Variants in ARHGAP24 observed in about 807,000 individuals in gnomAD.
The protein encoded by ARHGAP24 is Rho GTPase activating protein 24, also known as rho GTPase-activating protein 24.
Under a neutral mutation model 76.4 loss-of-function variants are expected in ARHGAP24, and 50 were observed. That is an observed-to-expected ratio of 0.65 (90% CI 0.52 to 0.83). The LOEUF (loss-of-function observed/expected upper bound fraction) is 0.83. ARHGAP24 is among the 40% of genes least tolerant of loss of function. The pLI is 0.00. For missense variants in ARHGAP24, 930 were observed against 914.2 expected, an observed-to-expected ratio of 1.02 and a Z score of -0.22; for synonymous variants, 345 against 323.3, an observed-to-expected ratio of 1.07 and a Z score of -0.72.
intron 9 of ARHGAP24, among the ~76,000 whole-genome samples, chr4:85,997,467 C>T (rs1357805171): frequency 6.6e-6 from 1 of 151,804 alleles, no homozygotes; most frequent in Non-Finnish European, 1.5e-5. Flanking sequence ...TCATTTATAA[C>T]TTTACCCCAC....
At chr4:85,710,798 C>T (rs996793582) in intron 2 of ARHGAP24, among the ~76,000 whole-genome samples, 2 of 151,788 alleles carry the variant, frequency 1.3e-5, no homozygotes, top group African/African-American at 2.4e-5. Flanking sequence ...GTTATTAAAA[C>T]GTCAAAAAAT....
At position 85,570,591 on chromosome 4, in the gene ARHGAP24, G is replaced by A. The variant is rs555486295; in HGVS notation, c.50G>A (p.Arg17Gln). ...STENPQQGQG[R>Q]QNAIKCGWLR... ...GAGAACCCCCAACAAGGCCAAGGGC[G>A]GCAGAATGCCATCAAGTGTGGGTGG... Residue 17 changes from arginine to glutamine, a missense_variant, in exon 2 of 10, where the codon CGG becomes CAG. By Grantham distance (43) the Arg-to-Gln change is conservative. Coordinates refer to ENST00000395184, the MANE Select transcript of ARHGAP24 (RefSeq NM_001025616.3). 44 of 1,613,986 alleles carry A rather than the reference G, an allele frequency of 2.7e-5. No individual in the cohort carries two copies. Among genetic ancestry groups the A allele is most frequent in the African/African-American group, 1.9e-4 (14 of 74,986 alleles).
In ARHGAP24 at chr4:85,643,548, G is replaced by A. The variant is rs1172489009; in HGVS notation, c.180+72827G>A. 7.7e-5 allele frequency among the ~76,000 whole-genome samples: 6 copies of A among 77,660 alleles called. 1 individual carries two copies. Among genetic ancestry groups the A allele is most frequent in the Admixed American group, 1.9e-4 (1 of 5,286 alleles). The allele number at this position is 77,660 out of a possible 152,430, so 50.9% of individuals were successfully genotyped here. ...GCTGGGATTACAGGCGTGAGCCACC[G>A]CGCCCGGCCTTTTTTTGTGTTTTGT... is the stretch of plus-strand genomic sequence containing the variant. On this transcript the variant is annotated intron_variant, in intron 2 of 9. Transcript: ENST00000395184.
intron 2 of ARHGAP24, among the ~76,000 whole-genome samples, chr4:85,580,582 T>G (rs1727567607): frequency 6.6e-6 from 1 of 152,090 alleles, no homozygotes; most frequent in Non-Finnish European, 1.5e-5. Flanking sequence ...GGCCCCAAAA[T>G]TTTCTTTGCT....
At chr4:85,655,892 T>C (rs1039248648) in intron 2 of ARHGAP24, among the ~76,000 whole-genome samples, 1 of 149,536 alleles carries the variant, frequency 6.7e-6, no homozygotes, top group Admixed American at 6.7e-5. Context: ...GTAAGTATAC[T>C]GTACACGTGA....
intron 2 of ARHGAP24, among the ~76,000 whole-genome samples, chr4:85,605,513 G>T (rs1560549583): frequency 6.6e-6 from 1 of 152,056 alleles, no homozygotes; most frequent in African/African-American, 2.4e-5. Flanking sequence ...TTCATATATG[G>T]GAATGATTAA....
At chr4:85,982,819 A>G (rs1316817659) in intron 8 of ARHGAP24, among the ~76,000 whole-genome samples, 2 of 152,224 alleles carry the variant, frequency 1.3e-5, no homozygotes, top group Non-Finnish European at 2.9e-5. Flanking sequence ...CAGGTTTGTT[A>G]CATAGGTAAA....
Position 85,589,760 on chromosome 4 carries a change from T to C in ARHGAP24, c.180+19039T>C, listed in dbSNP as rs1728008990. 2.0e-5 allele frequency among the ~76,000 whole-genome samples: 3 copies of C among 152,202 alleles called. 1 individual carries two copies. In the South Asian group the frequency reaches 6.2e-4, roughly 31 times the overall value. ...GCATCTGCCATTAGGTCAAAATACTTTAATAAATATGTGCAGTACATACTA... is the reference window on the plus strand; with the variant it reads ...GCATCTGCCATTAGGTCAAAATACTCTAATAAATATGTGCAGTACATACTA... On this transcript the variant is annotated intron_variant, in intron 2 of 9. Transcript: ENST00000395184.
intron 3 of ARHGAP24, among the ~76,000 whole-genome samples, chr4:85,736,607 A>C (rs868304914): frequency 1.3e-5 from 2 of 152,226 alleles, no homozygotes; most frequent in East Asian, 3.8e-4. Context: ...TCCAATAAAC[A>C]TCAAGTAGAG....
chr4:85,901,897 T>C (rs1734514527), intron 3 of ARHGAP24, among the ~76,000 whole-genome samples: 1 of 152,134 alleles, frequency 6.6e-6, no homozygotes, highest in Non-Finnish European at 1.5e-5. Context: ...CATGGTGGTT[T>C]GCTGCACCTA....
rs1210109366 is a variant in ARHGAP24 at position 85,733,060 on chromosome 4, C to CTTTTTTTTTTTTTTTTTTTTTTT, written c.268+11109_268+11110insTTTTTTTTTTTTTTTTTTTTTTT. Among the ~76,000 whole-genome samples, 197 of 55,210 alleles carry CTTTTTTTTTTTTTTTTTTTTTTT rather than the reference C, an allele frequency of 3.6e-3. 77 individuals are homozygous for CTTTTTTTTTTTTTTTTTTTTTTT. The highest frequency in any genetic ancestry group is 0.016 in the East Asian group (27 of 1,734). 36.2% of individuals were successfully genotyped at this position (55,210 alleles called of 152,430 possible). On this transcript the variant is annotated intron_variant, in intron 3 of 9. Transcript: ENST00000395184. ...CTATAGATCTTATAGGCCTCACCAACTTTTTTTTTTTTTTTTTTTTTGAGA... is the reference window on the plus strand; with the variant it reads ...CTATAGATCTTATAGGCCTCACCAACTTTTTTTTTTTTTTTTTTTTTTTTTTTTTTTTTTTTTTTTTTTTGAGA...
At position 85,914,498 on chromosome 4, in the gene ARHGAP24, A is replaced by G. The variant is rs139801993; in HGVS notation, c.269-9150A>G. On this transcript the variant is annotated intron_variant, in intron 3 of 9. Coordinates refer to ENST00000395184, the MANE Select transcript of ARHGAP24 (RefSeq NM_001025616.3). Reference sequence around the variant, plus strand: ...CTGTCATCTTAGACGTATACACTGAAGTTTTCATCACATTTTAAGTAACCC... The same window carrying G: ...CTGTCATCTTAGACGTATACACTGAGGTTTTCATCACATTTTAAGTAACCC... Among the ~76,000 whole-genome samples, 1,304 of 152,278 alleles carry G rather than the reference A, an allele frequency of 8.6e-3. 16 individuals are homozygous for G. Among genetic ancestry groups the G allele is most frequent in the African/African-American group, 0.029 (1,221 of 41,538 alleles).
At chr4:85,870,469 A>T (rs1004648632) in intron 3 of ARHGAP24, among the ~76,000 whole-genome samples, 8 of 152,224 alleles carry the variant, frequency 5.3e-5, no homozygotes, top group African/African-American at 1.4e-4. Context: ...TTATCTGCAA[A>T]AGCTCTGATT....
chr4:85,883,558 G>A (rs1165811458), intron 3 of ARHGAP24, among the ~76,000 whole-genome samples: 2 of 152,098 alleles, frequency 1.3e-5, no homozygotes, highest in African/African-American at 4.8e-5. Flanking sequence ...TACATGTGCT[G>A]GGAGGTTACA....
intron 3 of ARHGAP24, among the ~76,000 whole-genome samples, chr4:85,772,170 G>T (rs1727156197): frequency 6.6e-6 from 1 of 152,142 alleles, no homozygotes; most frequent in East Asian, 1.9e-4. Flanking sequence ...TAAAGCCCGT[G>T]ACCTCGTTCT....
intron 1 of ARHGAP24, among the ~76,000 whole-genome samples, chr4:85,487,197 A>T (rs918448333): frequency 1.2e-4 from 16 of 136,324 alleles, no homozygotes; most frequent in Non-Finnish European, 2.3e-4. Context: ...ATAAAAATAT[A>T]TATTTATTTT....
intron 3 of ARHGAP24, among the ~76,000 whole-genome samples, chr4:85,896,027 C>A (rs1054660429): frequency 1.2e-4 from 18 of 152,214 alleles, no homozygotes; most frequent in African/African-American, 4.3e-4. Context: ...TGACTAAATG[C>A]AGAAGAATAA....
At chr4:85,850,534 T>C (rs957373835) in intron 3 of ARHGAP24, among the ~76,000 whole-genome samples, 1 of 152,228 alleles carries the variant, frequency 6.6e-6, no homozygotes, top group African/African-American at 2.4e-5. Flanking sequence ...CTTTTAACTG[T>C]GATGTTAGGG....
intron 2 of ARHGAP24, among the ~76,000 whole-genome samples, chr4:85,664,301 A>G (rs1267925735): frequency 6.6e-6 from 1 of 150,854 alleles, no homozygotes; most frequent in Non-Finnish European, 1.5e-5. Context: ...ATTTGCGTAG[A>G]GGTGTTTGTA....
Sources: gnomAD v4.1 joint callset for allele counts (sites outside exome capture counted in the v4.1 genomes callset) on GRCh38, gnomAD v4.1.1 for gene constraint, MANE v1.5 for transcripts, NCBI Gene and HGNC (gene_info 2026-07-23, HGNC 2026-07-21) for gene names.